The following SDK1 variants were observed in gnomAD, a reference collection of about 807,000 sequenced individuals.
SDK1 encodes the protein protein sidekick-1.
SDK1 carries 157 observed loss-of-function variants against 245.5 expected under a neutral mutation model. That is an observed-to-expected ratio of 0.64 (90% CI 0.56 to 0.73). The LOEUF is 0.73. Ranked by LOEUF, SDK1 falls within the 30% of genes least tolerant of loss-of-function variation. The pLI, the probability that SDK1 is intolerant of heterozygous loss-of-function variation, is 0.00. For synonymous variants in SDK1, 1,647 were observed against 1,278.5 expected, an observed-to-expected ratio of 1.29 and a Z score of -6.15; for missense variants, 3,583 against 3,002.3, an observed-to-expected ratio of 1.19 and a Z score of -4.52.
At chr7:4,121,158 A>G (rs2128194342) in intron 25 of SDK1, among the ~76,000 whole-genome samples, 1 of 152,118 alleles carries the variant, frequency 6.6e-6, no homozygotes, top group South Asian at 2.1e-4. Flanking sequence ...GACTTTCTCT[A>G]GCGATGTTGT....
intron 4 of SDK1, among the ~76,000 whole-genome samples, chr7:3,657,758 T>C (rs2128658281): frequency 6.6e-6 from 1 of 152,296 alleles, no homozygotes; most frequent in African/African-American, 2.4e-5. Context: ...GTTTTTCTTA[T>C]CTTTCTGCGA....
chr7:3,944,798 C>T (rs1231423022), intron 5 of SDK1, among the ~76,000 whole-genome samples: 1 of 152,022 alleles, frequency 6.6e-6, no homozygotes, highest in Non-Finnish European at 1.5e-5. Flanking sequence ...GAGCCAGTAC[C>T]GATGAAGGAT....
At chr7:3,421,314 C>T (rs1300729193) in intron 1 of SDK1, among the ~76,000 whole-genome samples, 4 of 152,002 alleles carry the variant, frequency 2.6e-5, no homozygotes, top group African/African-American at 4.8e-5. Context: ...TCCAGTGACC[C>T]GCCTGCCCTC....
intron 5 of SDK1, among the ~76,000 whole-genome samples, chr7:3,934,728 T>C (rs1780096625): frequency 6.6e-6 from 1 of 152,206 alleles, no homozygotes. Flanking sequence ...CTGAAAGAGA[T>C]GGGCTCTTGT....
chr7:3,427,365 A>G (rs772713165), intron 1 of SDK1, among the ~76,000 whole-genome samples: 27 of 152,086 alleles, frequency 1.8e-4, no homozygotes, highest in Non-Finnish European at 3.1e-4. Context: ...CTAAAAATGC[A>G]AAAATTGGCT....
intron 1 of SDK1, among the ~76,000 whole-genome samples, chr7:3,612,777 C>G (rs1781638396): frequency 1.3e-5 from 2 of 152,148 alleles, no homozygotes; most frequent in African/African-American, 4.8e-5. Context: ...TGGCTGATTA[C>G]TCCATTCACA....
intron 5 of SDK1, among the ~76,000 whole-genome samples, chr7:3,829,558 T>C (rs1779862931): frequency 6.6e-6 from 1 of 152,172 alleles, no homozygotes; most frequent in Non-Finnish European, 1.5e-5. Flanking sequence ...CCAAAGTTTA[T>C]TTGTCCCCCT....
At position 3,975,013 on chromosome 7, in the gene SDK1, A is replaced by G. The variant is rs111949832; in HGVS notation, c.1994+468A>G. On this transcript the variant is annotated intron_variant, in intron 13 of 44. Coordinates refer to ENST00000404826, the MANE Select transcript of SDK1 (RefSeq NM_152744.4). The stretch of plus-strand genomic sequence containing the variant: ...GCTGCCCCTCCGTGGGTAAATAGAT[A>G]CTTTAAGTTAAGTCTTGTGAAATCT... Among the ~76,000 whole-genome samples, 16 of 152,140 alleles carry G rather than the reference A, an allele frequency of 1.1e-4. 1 individual carries two copies. Among genetic ancestry groups the G allele is most frequent in the South Asian group, 4.2e-4 (2 of 4,812 alleles).
At chr7:3,561,865 T>A (rs924254180) in intron 1 of SDK1, among the ~76,000 whole-genome samples, 1 of 152,246 alleles carries the variant, frequency 6.6e-6, no homozygotes. Context: ...CATGTTCTTA[T>A]AAGGAACCTG....
At chr7:3,590,073 T>A (rs960018576) in intron 1 of SDK1, among the ~76,000 whole-genome samples, 2 of 152,202 alleles carry the variant, frequency 1.3e-5, no homozygotes, top group Non-Finnish European at 2.9e-5. Context: ...TAAATACGTA[T>A]GTGTTAGGGG....
chr7:3,447,668 A>G (rs1780383009), intron 1 of SDK1, among the ~76,000 whole-genome samples: 1 of 151,498 alleles, frequency 6.6e-6, no homozygotes, highest in Non-Finnish European at 1.5e-5. Flanking sequence ...TGTTATAAAC[A>G]ATGAGACGGT....
chr7:4,088,844 A>T (rs1026602752), intron 22 of SDK1, among the ~76,000 whole-genome samples: 31 of 152,206 alleles, frequency 2.0e-4, no homozygotes, highest in Admixed American at 3.3e-4. Flanking sequence ...GTTTTCATAA[A>T]CACAGTTTGG....
At chr7:4,158,281 C>T (rs995625373) in intron 30 of SDK1, among the ~76,000 whole-genome samples, 167 bp from the exon 31 acceptor site, 13 of 152,224 alleles carry the variant, frequency 8.5e-5, no homozygotes, top group African/African-American at 2.2e-4. Flanking sequence ...TGATTGGGTC[C>T]GACCCAAGAA....
rs1386640188 is a variant in SDK1 at position 4,079,395 on chromosome 7, C to A, written c.3203-68C>A. Reference sequence around the variant, plus strand: ...AAACTGTTTACTTTTGAAGCTGACACGTTTGATACCTTTCCTAAGCTGTGA... The same window carrying A: ...AAACTGTTTACTTTTGAAGCTGACAAGTTTGATACCTTTCCTAAGCTGTGA... On this transcript the variant is annotated intron_variant, in intron 21 of 44. Coordinates refer to ENST00000404826, the MANE Select transcript of SDK1 (RefSeq NM_152744.4). The A allele has an allele frequency of 6.4e-6, 10 of 1,564,668 alleles. No homozygotes were observed. The Admixed American group carries it at 6.9e-5, about 11-fold the overall frequency.
chr7:3,567,141 T>C (rs1310721722), intron 1 of SDK1, among the ~76,000 whole-genome samples: 2 of 152,196 alleles, frequency 1.3e-5, no homozygotes, highest in African/African-American at 2.4e-5. Flanking sequence ...TCGTGAAGTA[T>C]TTACATTGTT....
chr7:3,485,023 G>A (rs909402960), intron 1 of SDK1, among the ~76,000 whole-genome samples: 6 of 152,116 alleles, frequency 3.9e-5, no homozygotes, highest in African/African-American at 1.4e-4. Context: ...ATACCCAGCA[G>A]CGGAATTGCT....
At chr7:3,900,182 A>G (rs1162020929) in intron 5 of SDK1, among the ~76,000 whole-genome samples, 1 of 152,190 alleles carries the variant, frequency 6.6e-6, no homozygotes, top group Non-Finnish European at 1.5e-5. Flanking sequence ...TTTATATTTT[A>G]TTACATATTT....
At position 3,460,175 on chromosome 7, in the gene SDK1, G is replaced by A. The variant is rs200982351; in HGVS notation, c.298+158291G>A. Among the ~76,000 whole-genome samples the A allele has an allele frequency of 2.5e-4, 38 of 152,300 alleles. No homozygotes were observed. In the East Asian group the frequency reaches 3.9e-3, roughly 15 times the overall value. On this transcript the variant is annotated intron_variant, in intron 1 of 44. Coordinates refer to ENST00000404826, the MANE Select transcript of SDK1 (RefSeq NM_152744.4). ...ACATTTATCTTTTTGATGGGAAAAT[G>A]CTTTCTAAATTTCCCTCAGCCAAGT...
At chr7:3,334,941 C>G (rs556172330) in intron 1 of SDK1, among the ~76,000 whole-genome samples, 1 of 152,070 alleles carries the variant, frequency 6.6e-6, no homozygotes, top group Non-Finnish European at 1.5e-5. Context: ...TATCATTTAC[C>G]CAGTAACTCA....
Sources: allele counts gnomAD v4.1 joint callset (sites outside exome capture counted in the v4.1 genomes callset), GRCh38; gene constraint gnomAD v4.1.1; transcripts MANE v1.5; gene names NCBI Gene and HGNC (gene_info 2026-07-23, HGNC 2026-07-21).